Variants in KCTD16 observed in about 807,000 individuals in gnomAD.
The protein encoded by KCTD16 is potassium channel tetramerization domain containing 16.
KCTD16 carries 13 observed loss-of-function variants against 33.2 expected under a neutral mutation model. The ratio of observed to expected loss-of-function variants is 0.39; its 90% CI spans 0.25 to 0.62. The LOEUF (loss-of-function observed/expected upper bound fraction) is 0.62, where lower values mean the gene tolerates loss of function less well. Among genes scored for constraint, KCTD16 ranks in the 20% least tolerant of loss-of-function variants. The probability of loss-of-function intolerance (pLI) is 0.50; values close to 1 mark genes in which losing one functional copy is unlikely to be tolerated. For missense variants in KCTD16, 441 were observed against 525.1 expected (o/e 0.84, Z 1.57); for synonymous variants, 197 against 195.3 (o/e 1.01, Z -0.07).
At position 144,352,061 on chromosome 5, in the gene KCTD16, C is replaced by T. The variant is rs138980924; in HGVS notation, c.833-121599C>T. 7.2e-5 allele frequency among the ~76,000 whole-genome samples: 11 copies of T among 152,172 alleles called. No homozygotes were observed. In the South Asian group the frequency reaches 1.7e-3, roughly 23 times the overall value. Reference sequence around the variant, plus strand: ...TAACAAAAAAATAAGTATATGTGTTCGTGCATGTGTTAAATAGCTTGATTT... The same window carrying T: ...TAACAAAAAAATAAGTATATGTGTTTGTGCATGTGTTAAATAGCTTGATTT... On this transcript the variant is annotated intron_variant, in intron 3 of 3. Transcript: ENST00000512467.
rs1561535626 is a variant in KCTD16 at position 144,225,595 on chromosome 5, TG to T, written c.832+18050del. On this transcript the variant is annotated intron_variant, in intron 3 of 3. Transcript: ENST00000512467. ...GTGTGTGTGTGTGTGTGTGTGTGTG[TG>T]TCTTTAAAACTAAGAAGTCATGTTA... Among the ~76,000 whole-genome samples, 128 of 150,206 alleles carry T rather than the reference TG, an allele frequency of 8.5e-4. 1 individual carries two copies. Among genetic ancestry groups the T allele is most frequent in the Admixed American group, 7.0e-3 (103 of 14,696 alleles).
At position 144,275,407 on chromosome 5, in the gene KCTD16, G is replaced by A. The variant is rs146987958; in HGVS notation, c.832+67861G>A. Reference sequence around the variant, plus strand: ...CATGTCATGTTGCCTGAACAGATACGGGAAAGCAAAGCTACAGACCCACTG... The same window carrying A: ...CATGTCATGTTGCCTGAACAGATACAGGAAAGCAAAGCTACAGACCCACTG... On this transcript the variant is annotated intron_variant, in intron 3 of 3. Transcript: ENST00000512467. Among the ~76,000 whole-genome samples the A allele has an allele frequency of 8.5e-5, 13 of 152,144 alleles. No homozygotes were observed. The East Asian group carries it at 2.3e-3, about 27-fold the overall frequency.
rs1052556522 is a variant in KCTD16 at position 144,176,401 on chromosome 5, T to C, written c.-327+1929T>C. On this transcript the variant is annotated intron_variant, in intron 2 of 3. Coordinates refer to ENST00000512467, the MANE Select transcript of KCTD16 (RefSeq NM_020768.4). ...ATATAGTGTTTCTTTTTTTTTTTTT[T>C]TTTTTTTTTTTTGAGACGGAGTCTC... is the stretch of plus-strand genomic sequence containing the variant. Among the ~76,000 whole-genome samples the C allele has an allele frequency of 2.6e-3, 368 of 143,668 alleles. 6 individuals carry two copies. Among genetic ancestry groups the C allele is most frequent in the African/African-American group, 8.4e-3 (330 of 39,296 alleles). 94.3% of individuals were successfully genotyped at this position (143,668 alleles called of 152,430 possible). A position where few individuals can be genotyped will look rare whatever the true frequency, so the allele number is the denominator to read the frequency against.
At chr5:144,280,889 A>G (rs1755584666) in intron 3 of KCTD16, among the ~76,000 whole-genome samples, 1 of 150,082 alleles carries the variant, frequency 6.7e-6, no homozygotes, top group South Asian at 2.1e-4. Context: ...GGTCTCTACT[A>G]AACAAAATAC....
rs35739183 is a variant in KCTD16, at chr5:144,210,619, A to G, written c.832+3073A>G. On this transcript the variant is annotated intron_variant, in intron 3 of 3. Coordinates refer to ENST00000512467, the MANE Select transcript of KCTD16 (RefSeq NM_020768.4). ...GCCTTCTTGATTCACCTCTAAATAA[A>G]ATGAGAACTATGTAATCTGCAAAAG... Among the ~76,000 whole-genome samples, 1,258 of 152,272 alleles carry G rather than the reference A, an allele frequency of 8.3e-3. 7 individuals are homozygous for G. Among genetic ancestry groups the G allele is most frequent in the Non-Finnish European group, 0.012 (823 of 67,986 alleles).
chr5:144,429,493 A>C (rs1304171958), intron 3 of KCTD16, among the ~76,000 whole-genome samples: 1 of 152,046 alleles, frequency 6.6e-6, no homozygotes, highest in Non-Finnish European at 1.5e-5. Context: ...TGAGAGCTCA[A>C]TTTAAGGTAT....
chr5:144,173,374 T>C (rs887736648), intron 1 of KCTD16, among the ~76,000 whole-genome samples: 6 of 152,158 alleles, frequency 3.9e-5, no homozygotes, highest in Admixed American at 3.9e-4. Flanking sequence ...AGCAAACTAA[T>C]GCAGGAACAG....
At chr5:144,195,034 G>T (rs980699233) in intron 2 of KCTD16, among the ~76,000 whole-genome samples, 6 of 152,116 alleles carry the variant, frequency 3.9e-5, no homozygotes, top group Non-Finnish European at 8.8e-5. Flanking sequence ...TCACACACTT[G>T]CCTTAAAGAA....
intron 3 of KCTD16, among the ~76,000 whole-genome samples, chr5:144,213,702 A>G (rs1176614387): frequency 1.3e-5 from 2 of 152,206 alleles, no homozygotes; most frequent in Non-Finnish European, 2.9e-5. Flanking sequence ...GCTATATGTT[A>G]TGGAGGCAAG....
At chr5:144,347,988 A>G (rs1028762222) in intron 3 of KCTD16, among the ~76,000 whole-genome samples, 4 of 152,192 alleles carry the variant, frequency 2.6e-5, no homozygotes, top group Admixed American at 1.3e-4. Flanking sequence ...CTAGGTATAC[A>G]TAGGCAGCAC....
intron 3 of KCTD16, among the ~76,000 whole-genome samples, chr5:144,370,272 CAG>C (rs1421240818): frequency 2.6e-5 from 4 of 152,136 alleles, no homozygotes; most frequent in South Asian, 2.1e-4. Context: ...AAGCTCCTGA[CAG>C]AGAAACTTGC....
At chr5:144,177,382 T>C (rs1052017420) in intron 2 of KCTD16, among the ~76,000 whole-genome samples, 1 of 152,228 alleles carries the variant, frequency 6.6e-6, no homozygotes, top group Admixed American at 6.5e-5. Flanking sequence ...CTAGGGATGC[T>C]GTAACAAAGT....
rs542954295 is a variant in KCTD16, at chr5:144,322,522, C to CA, written c.832+114984dup. Among the ~76,000 whole-genome samples the CA allele has an allele frequency of 2.1e-4, 31 of 151,180 alleles. No homozygotes were observed. The South Asian group carries it at 5.0e-3, about 25-fold the overall frequency. ...ATCACAGAAAAAACAAACAAACAAA[C>CA]AAAAAAAACAAAACAGGGCTAAGAG... On this transcript the variant is annotated intron_variant, in intron 3 of 3. Transcript: ENST00000512467.
At position 144,193,361 on chromosome 5, in the gene KCTD16, T is replaced by G. The variant is rs141109991; in HGVS notation, c.-326-13028T>G. On this transcript the variant is annotated intron_variant, in intron 2 of 3. Coordinates refer to ENST00000512467, the MANE Select transcript of KCTD16 (RefSeq NM_020768.4). ...GATCCAACTTGCTGGCTTTCTTGGT[T>G]CCTTGAACAAGCCGAGCTTAGTTTC... Among the ~76,000 whole-genome samples the G allele has an allele frequency of 3.3e-3, 506 of 152,236 alleles. 3 individuals are homozygous for G. Among genetic ancestry groups the G allele is most frequent in the African/African-American group, 0.012 (490 of 41,528 alleles).
intron 3 of KCTD16, among the ~76,000 whole-genome samples, chr5:144,232,908 C>G (rs992837720): frequency 1.3e-5 from 2 of 152,090 alleles, no homozygotes; most frequent in East Asian, 3.8e-4. Context: ...TACCATATTT[C>G]AAGTGCTCAA....
At position 144,363,281 on chromosome 5, in the gene KCTD16, G is replaced by A. The variant is rs559852278; in HGVS notation, c.833-110379G>A. Among the ~76,000 whole-genome samples, 250 of 152,272 alleles carry A rather than the reference G, an allele frequency of 1.6e-3. 1 individual carries two copies. The highest frequency in any genetic ancestry group is 7.6e-4 in the Non-Finnish European group (52 of 68,022). Reference sequence around the variant, plus strand: ...CATTTGAACCTGGGATGTAGAGGCTGCAGTGAGCCAAGATCGCGCCACTGC... The same window carrying A: ...CATTTGAACCTGGGATGTAGAGGCTACAGTGAGCCAAGATCGCGCCACTGC... On this transcript the variant is annotated intron_variant, in intron 3 of 3. Transcript: ENST00000512467.
rs1210751102 is a variant in KCTD16 at position 144,476,185 on chromosome 5, G to A, written c.*2071G>A. 2 of 152,136 alleles carry A rather than the reference G, an allele frequency of 1.3e-5. No homozygotes were observed. Among genetic ancestry groups the A allele is most frequent in the Admixed American group, 6.6e-5 (1 of 15,264 alleles). 9.4% of individuals were successfully genotyped at this position (152,136 alleles called of 1,614,324 possible). On this transcript the variant is annotated 3_prime_UTR_variant, in exon 4 of 4. Transcript: ENST00000512467. ...ATCACAGAGCTTAATGGGTCAAGAAGTTGAATTTGGGGAAAATATCCTGAA... is the reference window on the plus strand; with the variant it reads ...ATCACAGAGCTTAATGGGTCAAGAAATTGAATTTGGGGAAAATATCCTGAA...
intron 3 of KCTD16, among the ~76,000 whole-genome samples, chr5:144,447,579 A>C (rs1205300256): frequency 6.6e-6 from 1 of 152,050 alleles, no homozygotes; most frequent in Admixed American, 6.6e-5. Flanking sequence ...AAAAGAAAAA[A>C]CAAAAGAAAA....
intron 3 of KCTD16, among the ~76,000 whole-genome samples, chr5:144,453,557 T>G (rs1213803295): frequency 6.6e-6 from 1 of 152,110 alleles, no homozygotes; most frequent in Non-Finnish European, 1.5e-5. Context: ...TCTTGAGAAA[T>G]CTTAATTACT....
Sources: gnomAD v4.1 joint callset for allele counts (sites outside exome capture counted in the v4.1 genomes callset) on GRCh38, gnomAD v4.1.1 for gene constraint, MANE v1.5 for transcripts, NCBI Gene and HGNC (gene_info 2026-07-23, HGNC 2026-07-21) for gene names.